TCF12: variants seen among roughly 807,000 people sequenced by gnomAD.
TCF12 encodes the protein transcription factor 12.
In TCF12, 45 loss-of-function variants were observed where a neutral mutation model predicts 86.0. The ratio of observed to expected loss-of-function variants is 0.52; its 90% confidence interval spans 0.41 to 0.67. The LOEUF is 0.67. Among genes scored for constraint, TCF12 ranks in the 30% least tolerant of loss-of-function variants. TCF12 has a pLI of 0.00. For missense variants in TCF12, 881 were observed against 859.9 expected (o/e 1.02, Z -0.31); for synonymous variants, 330 against 299.6 (o/e 1.10, Z -1.05).
rs576805973 is a variant in TCF12, at chr15:57,286,359, G to A, written c.*214G>A. 1.8e-5 allele frequency: 4 copies of A among 227,280 alleles called. No homozygotes were observed. The East Asian group carries it at 4.8e-4, about 27-fold the overall frequency. 14.1% of individuals were successfully genotyped at this position (227,280 alleles called of 1,614,324 possible). A position where few individuals can be genotyped will look rare whatever the true frequency, so the allele number is the denominator to read the frequency against. On this transcript the variant is annotated 3_prime_UTR_variant, in exon 21 of 21. Coordinates refer to ENST00000333725, the MANE Select transcript of TCF12 (RefSeq NM_207037.2). ...GTGAAGATAGGAAGCTCATCAGATA[G>A]AACATCAGCCCATGAGATGTTTGCA... is the stretch of plus-strand genomic sequence containing the variant.
chr15:57,226,969 C>G (rs2151900407), intron 8 of TCF12, among the ~76,000 whole-genome samples: 1 of 152,214 alleles, frequency 6.6e-6, no homozygotes, highest in Non-Finnish European at 1.5e-5. Context: ...ATCACAGAAA[C>G]CTATTGGACA....
intron 3 of TCF12, among the ~76,000 whole-genome samples, chr15:56,989,665 A>C (rs1366919515): frequency 6.6e-6 from 1 of 152,206 alleles, no homozygotes; most frequent in African/African-American, 2.4e-5. Context: ...TGCTGTAGGA[A>C]TCAGTTTGCT....
At position 57,250,272 on chromosome 15, in the gene TCF12, T is replaced by C. The variant is rs377560866; in HGVS notation, c.1115-1078T>C. 3.1e-3 allele frequency among the ~76,000 whole-genome samples: 465 copies of C among 152,308 alleles called. 2 individuals carry two copies. Among genetic ancestry groups the C allele is most frequent in the African/African-American group, 0.011 (446 of 41,560 alleles). On this transcript the variant is annotated intron_variant, in intron 13 of 20. Coordinates refer to ENST00000333725, the MANE Select transcript of TCF12 (RefSeq NM_207037.2). ...CTTAGTAAGGCAATTTGTCCTTACG[T>C]TAATATATTTATACCCTTTGATTCA...
chr15:57,031,093 T>G (rs776760831), intron 3 of TCF12, among the ~76,000 whole-genome samples: 1 of 152,244 alleles, frequency 6.6e-6, no homozygotes, highest in Non-Finnish European at 1.5e-5. Context: ...AAGAATAATG[T>G]TTGTATTCTC....
chr15:56,992,333 T>C (rs140828960), intron 3 of TCF12, among the ~76,000 whole-genome samples: 72 of 152,296 alleles, frequency 4.7e-4, no homozygotes, highest in African/African-American at 1.3e-3. Context: ...TTAATTAAGT[T>C]TTATTGCCAC....
At chr15:57,063,650 G>A (rs1435369685) in intron 3 of TCF12, 100 bp from the exon 4 acceptor site, 6 of 863,802 alleles carry the variant, frequency 6.9e-6, no homozygotes, top group Non-Finnish European at 1.1e-5. Context: ...TTCCACGAAA[G>A]CGCAAATACC....
chr15:57,219,597 C>CT lies in TCF12; in HGVS notation c.580-11550dup, dbSNP rs1188208312. 3 of 1,611,096 alleles carry CT rather than the reference C, an allele frequency of 1.9e-6. No homozygotes were observed. The Admixed American group carries it at 5.0e-5, about 27-fold the overall frequency. On this transcript the variant is annotated intron_variant, in intron 8 of 20. Coordinates refer to ENST00000333725, the MANE Select transcript of TCF12 (RefSeq NM_207037.2). Reference sequence around the variant, plus strand: ...TTACTACAATGGGAAAACGGTAAGCCTTTTTCTTTGTATAGCTTCTAACTC... The same window carrying CT: ...TTACTACAATGGGAAAACGGTAAGCCTTTTTTCTTTGTATAGCTTCTAACTC...
intron 5 of TCF12, among the ~76,000 whole-genome samples, chr15:57,156,760 G>C (rs2054137590): frequency 1.3e-5 from 2 of 152,192 alleles, no homozygotes; most frequent in Admixed American, 1.3e-4. Context: ...AAAAAACAGA[G>C]TTAAACACTG....
intron 3 of TCF12, among the ~76,000 whole-genome samples, chr15:56,952,893 A>G (rs1213066807): frequency 5.3e-5 from 8 of 152,074 alleles, no homozygotes; most frequent in African/African-American, 1.7e-4. Flanking sequence ...CTCCAGTACA[A>G]TTTTAAATAG....
rs528518330 is a variant in TCF12, at chr15:57,133,079, G to A, written c.326-33323G>A. ...CAAAGCCTTTTTATCCTTCATACAAGATTACCAACTACCATTTTTACTTTC... is the reference window on the plus strand; with the variant it reads ...CAAAGCCTTTTTATCCTTCATACAAAATTACCAACTACCATTTTTACTTTC... On this transcript the variant is annotated intron_variant, in intron 5 of 20. Transcript: ENST00000333725. Among the ~76,000 whole-genome samples, 16 of 152,240 alleles carry A rather than the reference G, an allele frequency of 1.1e-4. No individual in the cohort carries two copies. The East Asian group carries it at 2.7e-3, about 26-fold the overall frequency.
intron 16 of TCF12, 115 bp downstream of exon 16, chr15:57,253,583 C>T: frequency 8.0e-7 from 1 of 1,250,082 alleles, no homozygotes; most frequent in Non-Finnish European, 1.1e-6. Flanking sequence ...ACTGACTTTT[C>T]AGAATTTTCT....
At chr15:57,159,964 G>T (rs2054380469) in intron 5 of TCF12, among the ~76,000 whole-genome samples, 1 of 152,192 alleles carries the variant, frequency 6.6e-6, no homozygotes, top group South Asian at 2.1e-4. Context: ...AAGAAATGCT[G>T]AGCAGGCTTT....
chr15:56,996,464 C>A (rs979203358), intron 3 of TCF12, among the ~76,000 whole-genome samples: 8 of 152,138 alleles, frequency 5.3e-5, no homozygotes, highest in Admixed American at 2.0e-4. Context: ...TGAAACTAGA[C>A]CCCTACCTAT....
At chr15:56,996,780 A>G (rs572884065) in intron 3 of TCF12, among the ~76,000 whole-genome samples, 1 of 152,316 alleles carries the variant, frequency 6.6e-6, no homozygotes, top group African/African-American at 2.4e-5. Context: ...ACTTAAATCA[A>G]CTAGCAGATA....
At chr15:57,236,812 C>T (rs1322343562) in intron 12 of TCF12, among the ~76,000 whole-genome samples, 1 of 150,602 alleles carries the variant, frequency 6.6e-6, no homozygotes, top group Non-Finnish European at 1.5e-5. Flanking sequence ...TCCCAAAGCC[C>T]TGTGGATTAT....
chr15:56,979,056 A>G (rs1459662908), intron 3 of TCF12, among the ~76,000 whole-genome samples: 2 of 152,196 alleles, frequency 1.3e-5, no homozygotes, highest in Non-Finnish European at 2.9e-5. Context: ...TAATTCTTTT[A>G]TAGAACATGC....
chr15:57,162,929 AC>A (rs201802714), intron 5 of TCF12, among the ~76,000 whole-genome samples: 1,758 of 152,238 alleles, frequency 0.012, 31 homozygotes, highest in African/African-American at 0.04. Context: ...TAATCCCAGC[AC>A]TTTGAGAGGC....
intron 4 of TCF12, among the ~76,000 whole-genome samples, chr15:57,067,472 G>A (rs866421896): frequency 3.2e-5 from 1 of 30,776 alleles, no homozygotes; most frequent in Non-Finnish European, 1.0e-4. Flanking sequence ...CCCGGGAGGC[G>A]GAACTCGCAG....
intron 8 of TCF12, among the ~76,000 whole-genome samples, chr15:57,223,643 G>T (rs937851730): frequency 4.3e-5 from 3 of 69,666 alleles, no homozygotes; most frequent in Admixed American, 1.9e-4. Context: ...TACCAATGAG[G>T]TTTTTTTTTT....
Sources: allele counts gnomAD v4.1 joint callset (sites outside exome capture counted in the v4.1 genomes callset), GRCh38; gene constraint gnomAD v4.1.1; transcripts MANE v1.5; gene names NCBI Gene and HGNC (gene_info 2026-07-23, HGNC 2026-07-21).